The following LAMA2 variants were observed in gnomAD, a reference collection of about 807,000 sequenced individuals.
The protein encoded by LAMA2 is laminin subunit alpha 2.
In LAMA2, 269 loss-of-function variants were observed where a neutral mutation model predicts 364.8. The observed-to-expected ratio is 0.74, with a 90% CI of 0.67 to 0.82. The LOEUF (loss-of-function observed/expected upper bound fraction) is 0.82, where lower values mean the gene tolerates loss of function less well. Ranked by LOEUF, LAMA2 falls within the 40% of genes least tolerant of loss-of-function variation. The pLI, the probability that LAMA2 is intolerant of heterozygous loss-of-function variation, is 0.00. For synonymous variants in LAMA2, 1,379 were observed against 1,370.6 expected (o/e 1.01, Z -0.14); for missense variants, 3,807 against 3,873.2 (o/e 0.98, Z 0.45).
At chr6:128,985,182 G>A (rs565280643) in intron 1 of LAMA2, among the ~76,000 whole-genome samples, 1 of 152,160 alleles carries the variant, frequency 6.6e-6, no homozygotes. Context: ...TGGGTCAGAT[G>A]GTTGCTTGTG....
intron 1 of LAMA2, among the ~76,000 whole-genome samples, chr6:128,934,500 T>C (rs1208066780): frequency 6.9e-6 from 1 of 144,868 alleles, no homozygotes; most frequent in East Asian, 1.9e-4. Flanking sequence ...TTCTTTCTTT[T>C]TTTCTTTCTT....
intron 9 of LAMA2, among the ~76,000 whole-genome samples, chr6:129,171,158 C>G (rs1461908008): frequency 6.6e-6 from 1 of 151,714 alleles, no homozygotes; most frequent in African/African-American, 2.4e-5. Context: ...TTAATTGGAG[C>G]ATTTAGTCCA....
At chr6:129,158,706 G>C (rs1779274542) in intron 8 of LAMA2, 11 of 1,613,890 alleles carry the variant, frequency 6.8e-6, no homozygotes, top group Admixed American at 5.0e-5. Flanking sequence ...GACAACAGGG[G>C]GCATGTGGGT....
chr6:128,916,607 T>C (rs1582669766), intron 1 of LAMA2, among the ~76,000 whole-genome samples: 2 of 152,246 alleles, frequency 1.3e-5, no homozygotes, highest in South Asian at 4.1e-4. Flanking sequence ...ATTGCTTTTT[T>C]AAGTTAGAAT....
intron 37 of LAMA2, among the ~76,000 whole-genome samples, chr6:129,396,886 G>T (rs1254786851): frequency 6.6e-6 from 1 of 151,486 alleles, no homozygotes; most frequent in African/African-American, 2.4e-5. Context: ...TGAGGTGGGA[G>T]GATTGCTTGA....
At chr6:129,255,190 G>A (rs1010908141) in intron 14 of LAMA2, among the ~76,000 whole-genome samples, 1 of 151,726 alleles carries the variant, frequency 6.6e-6, no homozygotes, top group Non-Finnish European at 1.5e-5. Context: ...GGCAGATCAC[G>A]AGGTCAGTTG....
At chr6:129,449,959 C>T (rs975770320) in intron 45 of LAMA2, among the ~76,000 whole-genome samples, 9 of 151,704 alleles carry the variant, frequency 5.9e-5, no homozygotes, top group African/African-American at 1.9e-4. Context: ...CATGTCACCA[C>T]GCCCAGCTAA....
At chr6:128,931,345 T>G (rs1212374136) in intron 1 of LAMA2, among the ~76,000 whole-genome samples, 6 of 152,234 alleles carry the variant, frequency 3.9e-5, no homozygotes, top group Non-Finnish European at 7.3e-5. Context: ...ATAAATGGTC[T>G]TCTTTCACTT....
intron 32 of LAMA2, among the ~76,000 whole-genome samples, chr6:129,354,212 A>G (rs545413162): frequency 2.0e-5 from 3 of 152,278 alleles, no homozygotes; most frequent in Admixed American, 2.0e-4. Flanking sequence ...TAAATAGAAG[A>G]ATTTTTGTTT....
chr6:129,005,338 A>G (rs1401668558), intron 1 of LAMA2, among the ~76,000 whole-genome samples: 1 of 151,880 alleles, frequency 6.6e-6, no homozygotes, highest in Non-Finnish European at 1.5e-5. Context: ...TTATAGGAGA[A>G]AGGATGGATA....
At chr6:129,183,157 A>G (rs1334212043) in intron 10 of LAMA2, among the ~76,000 whole-genome samples, 1 of 152,024 alleles carries the variant, frequency 6.6e-6, no homozygotes, top group African/African-American at 2.4e-5. Flanking sequence ...CTCACGAATT[A>G]CAAGAGGCAA....
intron 36 of LAMA2, among the ~76,000 whole-genome samples, 200 bp from the exon 37 acceptor site, chr6:129,392,845 G>A (rs1259866839): frequency 1.3e-5 from 2 of 151,926 alleles, no homozygotes; most frequent in South Asian, 2.1e-4. Flanking sequence ...AATCTGTTTC[G>A]CTTTTATTTT....
intron 4 of LAMA2, among the ~76,000 whole-genome samples, chr6:129,111,694 G>A (rs1455044481): frequency 6.6e-6 from 1 of 151,972 alleles, no homozygotes; most frequent in East Asian, 1.9e-4. Context: ...AATCAGGCAA[G>A]TCCTTTCACT....
At chr6:129,167,041 A>G (rs908117021) in intron 9 of LAMA2, among the ~76,000 whole-genome samples, 1 of 152,192 alleles carries the variant, frequency 6.6e-6, no homozygotes, top group Non-Finnish European at 1.5e-5. Context: ...TGTAAAAACA[A>G]TACATAGTAA....
intron 27 of LAMA2, among the ~76,000 whole-genome samples, chr6:129,317,592 T>C (rs2114506539): frequency 6.8e-6 from 1 of 147,796 alleles, no homozygotes; most frequent in East Asian, 1.9e-4. Context: ...TATTTTTATA[T>C]GAAATAATAA....
At chr6:129,337,959 C>T (rs9372924) in intron 29 of LAMA2, among the ~76,000 whole-genome samples, 51,569 of 151,870 alleles carry the variant, frequency 0.34, 10,277 homozygotes, top group Non-Finnish European at 0.44. Flanking sequence ...AAAGAGGCTC[C>T]TGATTTATGT....
chr6:129,376,149 T>A (rs1778362630), intron 34 of LAMA2, among the ~76,000 whole-genome samples: 2 of 152,208 alleles, frequency 1.3e-5, no homozygotes, highest in African/African-American at 4.8e-5. Context: ...CATGATCTAA[T>A]CTCTGCTTCT....
Position 129,203,655 on chromosome 6 carries a change from T to G in LAMA2, c.1782+10802T>G, listed in dbSNP as rs9375618. Among the ~76,000 whole-genome samples, 1,358 of 152,326 alleles carry G rather than the reference T, an allele frequency of 8.9e-3. 54 individuals are homozygous for G. The East Asian group carries it at 0.092, about 10-fold the overall frequency. On this transcript the variant is annotated intron_variant, in intron 12 of 64. Transcript: ENST00000421865. The stretch of plus-strand genomic sequence containing the variant: ...CAAAATAATACATGACTTTTTTTCC[T>G]CCTTGATTTCCATGAGAATTGGGTG...
rs77113162 is a variant in LAMA2 at position 129,507,559 on chromosome 6, C to T, written c.8774C>T (p.Pro2925Leu). 1.1e-3 allele frequency: 1,702 copies of T among 1,614,134 alleles called. 17 individuals are homozygous for T. In the African/African-American group the frequency reaches 0.021, roughly 20 times the overall value. ...GAGGCCCCTGCCGATCTGGAACAAC[C>T]CACCTCCAGCTTCCATGTTGGGACA... ...MAEAPADLEQPTSSFHVGTCF... is the reference protein window; with the variant it reads ...MAEAPADLEQLTSSFHVGTCF... Residue 2925 changes from proline (P) to leucine (L), a missense_variant, in exon 62 of 65, where the codon CCC becomes CTC. Around this residue, in one of 3 missense-constraint regions of LAMA2, gnomAD observed 3,333 missense variants for 3,345.7 expected, o/e 1.00. Coordinates refer to ENST00000421865, the MANE Select transcript of LAMA2 (RefSeq NM_000426.4).
Sources: allele counts gnomAD v4.1 joint callset (sites outside exome capture counted in the v4.1 genomes callset), GRCh38; gene constraint gnomAD v4.1.1; regional missense constraint gnomAD v4.1.1; transcripts MANE v1.5; gene names NCBI Gene and HGNC (gene_info 2026-07-23, HGNC 2026-07-21).